The following CDH7 variants were observed in gnomAD, a reference collection of about 807,000 sequenced individuals.
CDH7 encodes the protein cadherin-7.
CDH7 carries 25 observed loss-of-function variants against 71.8 expected under a neutral mutation model. That is an observed-to-expected ratio of 0.35 (90% CI 0.25 to 0.49). CDH7 has a LOEUF of 0.49. Among genes scored for constraint, CDH7 ranks in the 20% least tolerant of loss-of-function variants. CDH7 has a pLI of 0.99. For missense variants in CDH7, 862 were observed against 974.6 expected (o/e 0.88, Z 1.54); for synonymous variants, 381 against 363.8 (o/e 1.05, Z -0.54).
At chr18:65,762,007 A>C (rs1187427397) in intron 1 of CDH7, among the ~76,000 whole-genome samples, 1 of 152,336 alleles carries the variant, frequency 6.6e-6, no homozygotes, top group Middle Eastern at 3.4e-3. Flanking sequence ...ATAACCTAAC[A>C]TGCTACACAG....
chr18:65,787,258 A>T (rs946419501), intron 2 of CDH7, among the ~76,000 whole-genome samples: 2 of 152,228 alleles, frequency 1.3e-5, no homozygotes, highest in East Asian at 1.9e-4. Context: ...TATGCAACAT[A>T]CATTCCTTCT....
intron 11 of CDH7, among the ~76,000 whole-genome samples, chr18:65,874,747 A>T (rs967917731): frequency 1.3e-5 from 2 of 151,684 alleles, no homozygotes; most frequent in African/African-American, 4.8e-5. Context: ...ATATATTTAT[A>T]ATTTCATACA....
intron 11 of CDH7, among the ~76,000 whole-genome samples, chr18:65,878,702 T>C (rs1486122498): frequency 6.6e-6 from 1 of 152,200 alleles, no homozygotes; most frequent in East Asian, 1.9e-4. Flanking sequence ...CAGTTACTTT[T>C]GCATCAACCT....
At chr18:65,799,675 C>CA (rs56087234) in intron 2 of CDH7, among the ~76,000 whole-genome samples, 159 of 139,528 alleles carry the variant, frequency 1.1e-3, no homozygotes, top group Middle Eastern at 3.5e-3. Context: ...GACTCTGTGT[C>CA]AAAAAAAAAA....
At chr18:65,794,297 A>T (rs887266085) in intron 2 of CDH7, among the ~76,000 whole-genome samples, 2 of 152,088 alleles carry the variant, frequency 1.3e-5, no homozygotes, top group African/African-American at 4.8e-5. Flanking sequence ...ACTATCGATG[A>T]TTTTGTTCCA....
chr18:65,763,038 C>A lies in CDH7; in HGVS notation c.196C>A (p.Leu66Ile). Residue 66 changes from leucine (L) to isoleucine (I), a missense_variant, in exon 2 of 12, where the codon CTC (leucine) becomes ATC (isoleucine). Coordinates refer to ENST00000397968, the MANE Select transcript of CDH7 (RefSeq NM_004361.5). ...VLEEYMGSDP[L>I]YVGKLHSDVD... ...GGAGGAATACATGGGTTCAGACCCC[C>A]TCTATGTAGGAAAGGTAGGGTATTG... 6.2e-7 allele frequency: 1 copy of A among 1,610,146 alleles called. No individual in the cohort carries two copies. Among genetic ancestry groups the A allele is most frequent in the African/African-American group, 1.3e-5 (1 of 74,876 alleles).
chr18:65,809,591 C>A, intron 2 of CDH7, 113 bp from the exon 3 acceptor site: 3 of 882,310 alleles, frequency 3.4e-6, no homozygotes, highest in Non-Finnish European at 1.8e-6. Context: ...CTTATCTTTC[C>A]AAGAACAATA....
In CDH7 at chr18:65,880,752, G is replaced by T; in HGVS notation, c.2216G>T (p.Gly739Val). The T allele has an allele frequency of 6.2e-7, 1 of 1,614,084 alleles. No individual in the cohort carries two copies. Among genetic ancestry groups the T allele is most frequent in the South Asian group, 1.1e-5 (1 of 91,084 alleles). ...CAGACATATGCTTTTGAAGGAAATGGCTCAGTTGCTGAATCACTCAGCTCT... is the reference window on the plus strand; with the variant it reads ...CAGACATATGCTTTTGAAGGAAATGTCTCAGTTGCTGAATCACTCAGCTCT... ...SLQTYAFEGN[G>V]SVAESLSSLD... Residue 739 changes from glycine to valine, a missense_variant, in exon 12 of 12, where the codon GGC (glycine) becomes GTC (valine). By Grantham distance (109) the Gly-to-Val change is moderately radical. Coordinates refer to ENST00000397968, the MANE Select transcript of CDH7 (RefSeq NM_004361.5).
intron 2 of CDH7, among the ~76,000 whole-genome samples, chr18:65,779,136 AG>A (rs1227393975): frequency 4.6e-5 from 7 of 151,812 alleles, no homozygotes; most frequent in Admixed American, 3.9e-4. Context: ...GTAGATGCAA[AG>A]GACATATCTG....
chr18:65,849,413 T>G (rs768318299), intron 7 of CDH7, among the ~76,000 whole-genome samples: 1 of 118,448 alleles, frequency 8.4e-6, no homozygotes, highest in Non-Finnish European at 1.7e-5. Context: ...TCTTTTCTTT[T>G]CTTTTCTTTT....
chr18:65,872,009 A>T (rs1037998434), intron 11 of CDH7, among the ~76,000 whole-genome samples: 3 of 152,124 alleles, frequency 2.0e-5, no homozygotes, highest in Non-Finnish European at 4.4e-5. Context: ...CCGAGTATGG[A>T]ACTTGAGGAA....
chr18:65,761,947 A>G (rs1916203285), intron 1 of CDH7, among the ~76,000 whole-genome samples: 1 of 152,232 alleles, frequency 6.6e-6, no homozygotes, highest in South Asian at 2.1e-4. Flanking sequence ...TCATGCTGCA[A>G]GATGCTCAAT....
chr18:65,807,488 A>G (rs1164950705), intron 2 of CDH7, among the ~76,000 whole-genome samples: 1 of 152,178 alleles, frequency 6.6e-6, no homozygotes, highest in East Asian at 1.9e-4. Context: ...GATTAAAGAC[A>G]TGACCCATGT....
intron 6 of CDH7, among the ~76,000 whole-genome samples, chr18:65,835,786 G>A (rs993170535): frequency 6.6e-6 from 1 of 152,204 alleles, no homozygotes; most frequent in Non-Finnish European, 1.5e-5. Flanking sequence ...CCTAAGTTCA[G>A]AGTAGGAGGC....
intron 6 of CDH7, among the ~76,000 whole-genome samples, chr18:65,826,759 T>TA (rs891283087): frequency 4.0e-5 from 6 of 151,444 alleles, no homozygotes; most frequent in African/African-American, 1.5e-4. Context: ...TAAATATCAT[T>TA]AAAAAAATCT....
chr18:65,845,002 A>G (rs2143994724), intron 7 of CDH7, among the ~76,000 whole-genome samples: 1 of 152,170 alleles, frequency 6.6e-6, no homozygotes, highest in Admixed American at 6.6e-5. Flanking sequence ...ATATTTAACA[A>G]TGGTAAGTGC....
chr18:65,806,753 T>C (rs1478694164), intron 2 of CDH7, among the ~76,000 whole-genome samples: 1 of 152,178 alleles, frequency 6.6e-6, no homozygotes, highest in Non-Finnish European at 1.5e-5. Flanking sequence ...CTTGGCAACA[T>C]TTCTCTTCTT....
intron 1 of CDH7, among the ~76,000 whole-genome samples, chr18:65,753,779 A>G (rs187708560): frequency 5.9e-4 from 90 of 152,314 alleles, no homozygotes; most frequent in African/African-American, 1.9e-3. Flanking sequence ...GCAGAAAGAT[A>G]CCCCTGCAAG....
intron 6 of CDH7, among the ~76,000 whole-genome samples, chr18:65,826,794 T>G (rs1164454881): frequency 6.6e-6 from 1 of 151,550 alleles, no homozygotes; most frequent in Admixed American, 6.6e-5. Flanking sequence ...TATAATCTAC[T>G]TTGACTATTA....
Sources: allele counts gnomAD v4.1 joint callset (sites outside exome capture counted in the v4.1 genomes callset), GRCh38; gene constraint gnomAD v4.1.1; transcripts MANE v1.5; gene names NCBI Gene and HGNC (gene_info 2026-07-23, HGNC 2026-07-21).